ZNF155: variants seen among roughly 807,000 people sequenced by gnomAD.
ZNF155 encodes the protein KRAB A domain.
In ZNF155, 15 loss-of-function variants were observed where a neutral mutation model predicts 11.9. The observed-to-expected ratio is 1.26, with a 90% CI of 0.84 to 1.94. The LOEUF is 1.94. ZNF155 is among the 30% of genes most tolerant of loss of function. ZNF155 has a pLI of 0.00. For synonymous variants in ZNF155, 212 were observed against 219.9 expected, an observed-to-expected ratio of 0.96 and a Z score of 0.32; for missense variants, 602 against 639.1, an observed-to-expected ratio of 0.94 and a Z score of 0.63.
At chr19:43,989,081 A>G (rs1005156017) in intron 2 of ZNF155, 3 of 152,216 alleles carry the variant, frequency 2.0e-5, no homozygotes, top group African/African-American at 7.2e-5. Context: ...AATTTTGAAA[A>G]CCATATGCCA....
chr19:43,997,465 T>G lies in ZNF155; in HGVS notation c.1608T>G (p.Asn536Lys). The stretch of plus-strand genomic sequence containing the variant: ...ATATACTTTTATCATTATTTCTAAA[T>G]GACACATAATTGTTCATATTTATGG... ...NLDILLSLFL[N>K]DT is the part of the protein sequence containing the mutation. The change falls in exon 5 of 5, where the codon AAT becomes AAG. Residue 536 changes from asparagine (N) to lysine (K), a missense_variant. Transcript: ENST00000270014. 2 of 1,596,212 alleles carry G rather than the reference T, an allele frequency of 1.3e-6. No homozygotes were observed. Among genetic ancestry groups the G allele is most frequent in the Non-Finnish European group, 1.7e-6 (2 of 1,174,616 alleles).
chr19:43,986,444 TTTGTG>T (rs767403553), intron 1 of ZNF155, among the ~76,000 whole-genome samples: 3 of 98,080 alleles, frequency 3.1e-5, no homozygotes, highest in African/African-American at 1.1e-4. Context: ...ATTATTCCCA[TTTGTG>T]TTTTTTTTTT....
chr19:43,991,852 G>A lies in ZNF155; in HGVS notation c.153G>A (p.Pro51=), dbSNP rs544029930. 718 of 1,613,778 alleles carry A rather than the reference G, an allele frequency of 4.4e-4. 18 individuals carry two copies. The South Asian group carries it at 7.1e-3, about 16-fold the overall frequency. Residue 51 remains proline, a synonymous_variant, in exon 4 of 5, where the codon CCG becomes CCA. Transcript: ENST00000270014. ...CTTACCTATTCACAGGGCATCAACC[G>A]TTCCACCAAGATACTTGCCACTTCC... ...FRNLLSVGHQ[P]FHQDTCHFLR... is the part of the protein sequence containing the mutation.
At position 43,997,879 on chromosome 19, in the gene ZNF155, T is replaced by C. The variant is rs939820996; in HGVS notation, c.*405T>C. On this transcript the variant is annotated 3_prime_UTR_variant, in exon 5 of 5. Transcript: ENST00000270014. ...AAGACCAGACACAGAAATGCCTTTGTCCTTTGTATAATCAGCAGGCTCCGA... is the reference window on the plus strand; with the variant it reads ...AAGACCAGACACAGAAATGCCTTTGCCCTTTGTATAATCAGCAGGCTCCGA... 1 of 159,982 alleles carries C rather than the reference T, an allele frequency of 6.3e-6. No individual in the cohort carries two copies. The highest frequency in any genetic ancestry group is 1.4e-5 in the Non-Finnish European group (1 of 73,288). The allele number at this position is 159,982 out of a possible 1,614,324, so 9.9% of individuals were successfully genotyped here.
intron 1 of ZNF155, among the ~76,000 whole-genome samples, chr19:43,985,209 C>A (rs1263115969): frequency 6.6e-6 from 1 of 151,852 alleles, no homozygotes; most frequent in Non-Finnish European, 1.5e-5. Context: ...TACAGGCATG[C>A]GTCACCATGC....
intron 4 of ZNF155, among the ~76,000 whole-genome samples, chr19:43,994,356 C>A (rs992409054): frequency 6.6e-6 from 1 of 152,172 alleles, no homozygotes; most frequent in Non-Finnish European, 1.5e-5. Flanking sequence ...GTGCAAAATT[C>A]TTGTGCAGGG....
chr19:43,985,573 C>T (rs1376874000), intron 1 of ZNF155, among the ~76,000 whole-genome samples: 2 of 145,090 alleles, frequency 1.4e-5, no homozygotes, highest in Non-Finnish European at 3.0e-5. Flanking sequence ...CGGAGTCTCG[C>T]TCTGTCGCCC....
At position 43,997,620 on chromosome 19, in the gene ZNF155, T is replaced by C. The variant is rs1975954575; in HGVS notation, c.*146T>C. 3 of 819,888 alleles carry C rather than the reference T, an allele frequency of 3.7e-6. No homozygotes were observed. Among genetic ancestry groups the C allele is most frequent in the South Asian group, 4.0e-5 (2 of 50,532 alleles). 50.8% of individuals were successfully genotyped at this position (819,888 alleles called of 1,614,324 possible). A position where few individuals can be genotyped will look rare whatever the true frequency, so the allele number is the denominator to read the frequency against. ...AATTCAAAATCCATTTGAGAGGAGT[T>C]GGTAGACAGCAAGGGAAGGGTCCCT... On this transcript the variant is annotated 3_prime_UTR_variant, in exon 5 of 5. Transcript: ENST00000270014.
intron 4 of ZNF155, among the ~76,000 whole-genome samples, chr19:43,995,608 T>A (rs1490609052): frequency 1.3e-5 from 2 of 152,110 alleles, no homozygotes; most frequent in African/African-American, 2.4e-5. Context: ...GGTCTCGAAC[T>A]GCTGGACTCC....
chr19:43,985,990 C>G (rs569470976), intron 1 of ZNF155, among the ~76,000 whole-genome samples: 1 of 152,226 alleles, frequency 6.6e-6, no homozygotes, highest in African/African-American at 2.4e-5. Context: ...GAGGAACTAG[C>G]TGGAATCAGG....
At position 43,997,049 on chromosome 19, in the gene ZNF155, A is replaced by G. The variant is rs1487876459; in HGVS notation, c.1192A>G (p.Lys398Glu). ...CCATCAGCGAGTCCACAGTGGAGAA[A>G]AAAGCTTCAAATGTGAAGAATGTGG... Reference protein sequence around the residue: ...LNHQRVHSGEKSFKCEECGKG... With the variant: ...LNHQRVHSGEESFKCEECGKG... Residue 398 changes from lysine (K) to glutamate (E), a missense_variant, in exon 5 of 5, where the codon AAA (lysine) becomes GAA (glutamate). By Grantham distance (56) the Lys-to-Glu change is moderately conservative. Coordinates refer to ENST00000270014, the MANE Select transcript of ZNF155 (RefSeq NM_198089.3). 1 of 1,613,956 alleles carries G rather than the reference A, an allele frequency of 6.2e-7. No individual in the cohort carries two copies. Among genetic ancestry groups the G allele is most frequent in the South Asian group, 1.1e-5 (1 of 91,052 alleles).
chr19:43,996,564 A>G lies in ZNF155; in HGVS notation c.707A>G (p.Gln236Arg), dbSNP rs755030896. Residue 236 changes from glutamine (Q) to arginine (R), a missense_variant, in exon 5 of 5, where the codon CAA (glutamine) becomes CGA (arginine). Gln to Arg is a conservative substitution (Grantham distance 43). Coordinates refer to ENST00000270014, the MANE Select transcript of ZNF155 (RefSeq NM_198089.3). ...GGAGAGAAACCATTCAAATGTGAGC[A>G]ATGTGGGAAAGGTTTCAGTCGTAGA... ...HTGEKPFKCE[Q>R]CGKGFSRRSA... 1.1e-5 allele frequency: 18 copies of G among 1,614,036 alleles called. No individual in the cohort carries two copies. The highest frequency in any genetic ancestry group is 1.5e-5 in the Non-Finnish European group (18 of 1,180,016).
chr19:43,992,895 C>T (rs1022473599), intron 4 of ZNF155, among the ~76,000 whole-genome samples: 3 of 152,256 alleles, frequency 2.0e-5, no homozygotes, highest in Non-Finnish European at 4.4e-5. Context: ...AATTGACCCA[C>T]GTCCCGTGGA....
In ZNF155 at chr19:43,988,527, C is replaced by T. The variant is rs367561088; in HGVS notation, c.-17C>T. ...CATCACCCAGGAGTCTGCAAATTCC[C>T]CAAAGTAGGAGGAAAAATGACCACA... On this transcript the variant is annotated 5_prime_UTR_variant, in exon 2 of 5. Transcript: ENST00000270014. The T allele has an allele frequency of 3.5e-5, 57 of 1,606,360 alleles. No individual in the cohort carries two copies. The highest frequency in any genetic ancestry group is 4.8e-5 in the Non-Finnish European group (56 of 1,175,288).
rs531771429 is a variant in ZNF155 at position 43,990,692 on chromosome 19, G to A, written c.16-856G>A. On this transcript the variant is annotated intron_variant, in intron 2 of 4. Coordinates refer to ENST00000270014, the MANE Select transcript of ZNF155 (RefSeq NM_198089.3). ...CTGTCCCACTCAGCTGTCCACACTGGTACTGTGGAGTAGGTTCACTGTGCA... is the reference window on the plus strand; with the variant it reads ...CTGTCCCACTCAGCTGTCCACACTGATACTGTGGAGTAGGTTCACTGTGCA... Among the ~76,000 whole-genome samples, 385 of 152,306 alleles carry A rather than the reference G, an allele frequency of 2.5e-3. 1 individual carries two copies. Among genetic ancestry groups the A allele is most frequent in the Middle Eastern group, 0.01 (3 of 294 alleles).
Position 43,988,564 on chromosome 19 carries a change from G to T in ZNF155, c.15+6G>T. 6.2e-7 allele frequency: 1 copy of T among 1,601,356 alleles called. No individual in the cohort carries two copies. Among genetic ancestry groups the T allele is most frequent in the Non-Finnish European group, 8.5e-7 (1 of 1,172,022 alleles). ...GAAAAATGACCACATTCAAGGTGAG[G>T]GGGGCGTGCCTCTCTCGCTGTTAAA... On this transcript the variant is annotated splice_donor_region_variant and intron_variant, in intron 2 of 4. Transcript: ENST00000270014.
At chr19:43,991,447 T>G in intron 2 of ZNF155, 101 bp from the exon 3 acceptor site, 20 of 1,579,860 alleles carry the variant, frequency 1.3e-5, no homozygotes, top group Non-Finnish European at 1.7e-5. Context: ...CCCTCAATAC[T>G]GAGAACAACT....
At chr19:43,994,728 C>T (rs1220775213) in intron 4 of ZNF155, among the ~76,000 whole-genome samples, 2 of 152,152 alleles carry the variant, frequency 1.3e-5, no homozygotes, top group Non-Finnish European at 2.9e-5. Flanking sequence ...ATGACTTAGA[C>T]TCAAAGTACT....
At chr19:43,991,191 C>G (rs1401916452) in intron 2 of ZNF155, among the ~76,000 whole-genome samples, 2 of 152,112 alleles carry the variant, frequency 1.3e-5, no homozygotes, top group African/African-American at 4.8e-5. Flanking sequence ...GAGGACCCAA[C>G]AAAGTTGGGA....
Sources: allele counts gnomAD v4.1 joint callset (sites outside exome capture counted in the v4.1 genomes callset), GRCh38; gene constraint gnomAD v4.1.1; transcripts MANE v1.5; gene names NCBI Gene and HGNC (gene_info 2026-07-23, HGNC 2026-07-21).